The following UBE2E3 variants were observed in gnomAD, a reference collection of about 807,000 sequenced individuals.
UBE2E3 encodes ubiquitin conjugating enzyme E2 E3.
In UBE2E3, 5 loss-of-function variants were observed where a neutral mutation model predicts 23.6. The ratio of observed to expected loss-of-function variants is 0.21; its 90% confidence interval spans 0.11 to 0.44. The LOEUF (loss-of-function observed/expected upper bound fraction) is 0.44, where lower values mean the gene tolerates loss of function less well. UBE2E3 is among the 20% of genes least tolerant of loss of function. The pLI, the probability that UBE2E3 is intolerant of heterozygous loss-of-function variation, is 0.99. For synonymous variants in UBE2E3, 78 were observed against 87.5 expected, an observed-to-expected ratio of 0.89 and a Z score of 0.60; for missense variants, 81 against 249.8, an observed-to-expected ratio of 0.32 and a Z score of 4.55.
chr2:181,053,385 G>A lies in UBE2E3; in HGVS notation c.246-4308G>A, dbSNP rs1281351866. Among the ~76,000 whole-genome samples the A allele has an allele frequency of 2.0e-5, 3 of 151,788 alleles. No individual in the cohort carries two copies. In the East Asian group the frequency reaches 5.8e-4, roughly 29 times the overall value. Reference sequence around the variant, plus strand: ...GTTCTATGGTCCAAATGTGTTTCAAGTTCCAAAATACCTGATTTCAGAACA... The same window carrying A: ...GTTCTATGGTCCAAATGTGTTTCAAATTCCAAAATACCTGATTTCAGAACA... On this transcript the variant is annotated intron_variant, in intron 3 of 5. Transcript: ENST00000410062.
chr2:181,024,080 G>A (rs370709061), intron 3 of UBE2E3, among the ~76,000 whole-genome samples: 34 of 152,110 alleles, frequency 2.2e-4, no homozygotes, highest in African/African-American at 7.7e-4. Context: ...TGATACTGTC[G>A]TTGTAGGTCA....
chr2:181,018,819 A>G (rs971055177), intron 3 of UBE2E3, among the ~76,000 whole-genome samples: 4 of 152,108 alleles, frequency 2.6e-5, no homozygotes, highest in African/African-American at 9.7e-5. Context: ...AGAAAAGCTC[A>G]TGCCTTTTAT....
At chr2:181,029,459 C>T (rs1337831485) in intron 3 of UBE2E3, among the ~76,000 whole-genome samples, 1 of 151,902 alleles carries the variant, frequency 6.6e-6, no homozygotes, top group Non-Finnish European at 1.5e-5. Context: ...TTCTTTAATT[C>T]TGATTTTGCT....
At chr2:180,987,227 T>A (rs1422897713) in intron 3 of UBE2E3, 2 of 1,189,868 alleles carry the variant, frequency 1.7e-6, no homozygotes, top group East Asian at 5.1e-5. Flanking sequence ...TCAATGAGAG[T>A]CAAGGGAAAT....
At chr2:181,009,471 T>TA (rs1685250700) in intron 3 of UBE2E3, among the ~76,000 whole-genome samples, 1 of 152,084 alleles carries the variant, frequency 6.6e-6, no homozygotes, top group African/African-American at 2.4e-5. Context: ...GTCCACCACA[T>TA]ACTACTACTC....
At chr2:181,056,178 C>A (rs1199991768) in intron 3 of UBE2E3, among the ~76,000 whole-genome samples, 1 of 150,328 alleles carries the variant, frequency 6.7e-6, no homozygotes, top group Non-Finnish European at 1.5e-5. Flanking sequence ...ATTTGGGTAT[C>A]AAAATAATTA....
chr2:181,034,200 T>C (rs995926381), intron 3 of UBE2E3, among the ~76,000 whole-genome samples: 2 of 152,198 alleles, frequency 1.3e-5, no homozygotes, highest in African/African-American at 4.8e-5. Flanking sequence ...GGATTATAAA[T>C]CATGCTGCTA....
chr2:181,006,996 CAAAT>C (rs1267392300), intron 3 of UBE2E3, among the ~76,000 whole-genome samples: 1 of 152,126 alleles, frequency 6.6e-6, no homozygotes, highest in East Asian at 1.9e-4. Context: ...TGTTAGGAAA[CAAAT>C]AATTTAGCTT....
intron 3 of UBE2E3, among the ~76,000 whole-genome samples, chr2:181,051,871 A>G (rs1189426303): frequency 1.3e-5 from 2 of 151,870 alleles, no homozygotes; most frequent in African/African-American, 2.4e-5. Flanking sequence ...TGTGTTTTCT[A>G]GACTGCTTTT....
At chr2:181,028,599 G>A (rs1685972500) in intron 3 of UBE2E3, among the ~76,000 whole-genome samples, 1 of 151,938 alleles carries the variant, frequency 6.6e-6, no homozygotes, top group Non-Finnish European at 1.5e-5. Context: ...TAATCTATGG[G>A]TATAAAAATA....
chr2:181,059,149 G>T (rs942725185), intron 4 of UBE2E3, among the ~76,000 whole-genome samples: 2 of 151,622 alleles, frequency 1.3e-5, no homozygotes, highest in African/African-American at 2.4e-5. Flanking sequence ...TCACTCTGTT[G>T]CTGAGATATA....
intron 3 of UBE2E3, among the ~76,000 whole-genome samples, chr2:181,047,283 C>T (rs1420516923): frequency 3.3e-5 from 5 of 152,100 alleles, no homozygotes; most frequent in African/African-American, 1.2e-4. Flanking sequence ...GTGTGGTGGT[C>T]TCATCTCAGG....
intron 3 of UBE2E3, among the ~76,000 whole-genome samples, chr2:180,984,800 C>G (rs1392858836): frequency 1.3e-5 from 2 of 151,804 alleles, no homozygotes; most frequent in African/African-American, 4.8e-5. Context: ...TTAAAAGTAG[C>G]TGGTTGATTA....
intron 3 of UBE2E3, among the ~76,000 whole-genome samples, chr2:181,002,450 G>A (rs921372254): frequency 1.3e-5 from 2 of 152,102 alleles, no homozygotes; most frequent in Non-Finnish European, 2.9e-5. Flanking sequence ...GACAAACTTA[G>A]GAATGATTAC....
At chr2:181,031,432 G>A (rs1686073611) in intron 3 of UBE2E3, among the ~76,000 whole-genome samples, 1 of 152,038 alleles carries the variant, frequency 6.6e-6, no homozygotes, top group African/African-American at 2.4e-5. Context: ...TGTAGAGCAA[G>A]CTTACAATGT....
chr2:180,993,533 A>T (rs1026023108), intron 3 of UBE2E3, among the ~76,000 whole-genome samples: 1 of 152,172 alleles, frequency 6.6e-6, no homozygotes. Context: ...CTAGGGAAAC[A>T]TGAATTTTGT....
intron 5 of UBE2E3, 145 bp downstream of exon 5, chr2:181,060,957 AGGAAAT>A: frequency 1.1e-6 from 1 of 889,464 alleles, no homozygotes; most frequent in Non-Finnish European, 1.5e-6. Flanking sequence ...ACAGTTTGTG[AGGAAAT>A]TACCAATGCC....
intron 3 of UBE2E3, among the ~76,000 whole-genome samples, chr2:181,050,602 G>T (rs566406058): frequency 6.6e-6 from 1 of 151,826 alleles, no homozygotes; most frequent in Non-Finnish European, 1.5e-5. Context: ...TTTATTTTTG[G>T]CAGGAGCTGG....
chr2:181,030,903 T>C (rs1255644149), intron 3 of UBE2E3, among the ~76,000 whole-genome samples: 1 of 152,116 alleles, frequency 6.6e-6, no homozygotes, highest in African/African-American at 2.4e-5. Context: ...ACCCAAAAAT[T>C]TAAAAAAAAT....
Sources: allele counts gnomAD v4.1 joint callset (sites outside exome capture counted in the v4.1 genomes callset), GRCh38; gene constraint gnomAD v4.1.1; transcripts MANE v1.5; gene names NCBI Gene and HGNC (gene_info 2026-07-23, HGNC 2026-07-21).